TARBP1: variants seen among roughly 807,000 people sequenced by gnomAD.
The protein encoded by TARBP1 is tRNA guanosine 2 -O-methyltransferase TARBP1.
A neutral mutation model predicts 178.6 loss-of-function variants in TARBP1; 144 were observed. The observed-to-expected ratio is 0.81, with a 90% confidence interval of 0.70 to 0.93. TARBP1 has a LOEUF of 0.93. Among genes scored for constraint, TARBP1 ranks in the 40% least tolerant of loss-of-function variants. TARBP1 has a pLI of 0.00. For missense variants in TARBP1, 2,067 were observed against 2,011.7 expected (o/e 1.03, Z -0.53); for synonymous variants, 787 against 781.0 (o/e 1.01, Z -0.13).
At chr1:234,428,265 A>G (rs10797546) in intron 17 of TARBP1, among the ~76,000 whole-genome samples, 20,354 of 152,116 alleles carry the variant, frequency 0.13, 1,496 homozygotes, top group Middle Eastern at 0.26. Context: ...CTATCTCAGT[A>G]GCTGCAAATG....
intron 9 of TARBP1, among the ~76,000 whole-genome samples, chr1:234,454,883 T>C (rs148357331): frequency 3.5e-4 from 53 of 152,320 alleles, no homozygotes; most frequent in African/African-American, 1.2e-3. Flanking sequence ...GGGGACATTA[T>C]GCTGGATTAT....
intron 17 of TARBP1, among the ~76,000 whole-genome samples, chr1:234,428,846 A>G (rs1442242883): frequency 6.6e-6 from 1 of 152,178 alleles, no homozygotes; most frequent in Non-Finnish European, 1.5e-5. Flanking sequence ...CCGCCTGGCC[A>G]GATTTCCCAA....
chr1:234,419,007 C>T (rs1483207324), intron 21 of TARBP1, among the ~76,000 whole-genome samples: 2 of 151,918 alleles, frequency 1.3e-5, no homozygotes, highest in East Asian at 3.9e-4. Context: ...CCCGTCTCTA[C>T]TAAAAATACA....
In TARBP1 at chr1:234,446,821, C is replaced by T; in HGVS notation, c.2116G>A (p.Gly706Ser). Residue 706 changes from glycine to serine, a missense_variant, in exon 12 of 30, where the codon GGT becomes AGT. Gly to Ser is a moderately conservative substitution (Grantham distance 56). Transcript: ENST00000040877. ...TCCTCACCATCTTGGGCACTGGAAC[C>T]TTTCAACCTGCATGTGTTCAACAGC... Reference protein sequence around the residue: ...LKLLNTCRLKGSSAQDDEVST... With the variant: ...LKLLNTCRLKSSSAQDDEVST... 1.2e-6 allele frequency: 2 copies of T among 1,613,862 alleles called. No homozygotes were observed. The highest frequency in any genetic ancestry group is 1.7e-6 in the Non-Finnish European group (2 of 1,179,932).
intron 7 of TARBP1, 56 bp from the exon 8 acceptor site, chr1:234,459,382 T>C (rs1667613119): frequency 1.5e-6 from 2 of 1,337,790 alleles, no homozygotes; most frequent in Non-Finnish European, 2.1e-6. Flanking sequence ...ATTCTGATAA[T>C]TTGTGATTAT....
intron 20 of TARBP1, among the ~76,000 whole-genome samples, chr1:234,424,821 G>A (rs1663520207): frequency 6.6e-6 from 1 of 152,072 alleles, no homozygotes; most frequent in Non-Finnish European, 1.5e-5. Flanking sequence ...CAGCACTCTG[G>A]GAGGCCAAGG....
At chr1:234,400,053 C>CAAATAAAAACA (rs748345592) in intron 25 of TARBP1, among the ~76,000 whole-genome samples, 2,296 of 142,110 alleles carry the variant, frequency 0.016, 55 homozygotes, top group African/African-American at 0.055. Flanking sequence ...AAAATAAAAA[C>CAAATAAAAACA]AAAAAAAAAA....
intron 3 of TARBP1, among the ~76,000 whole-genome samples, chr1:234,470,258 G>A (rs1478938091): frequency 6.6e-6 from 1 of 151,942 alleles, no homozygotes; most frequent in Non-Finnish European, 1.5e-5. Context: ...CAGATTGCAA[G>A]ACTCCACATC....
intron 22 of TARBP1, among the ~76,000 whole-genome samples, chr1:234,416,544 G>A (rs371455949): frequency 8.5e-5 from 13 of 152,228 alleles, no homozygotes; most frequent in Admixed American, 2.0e-4. Context: ...TAATTCTCCC[G>A]CCTCAGCCTC....
At chr1:234,400,128 C>T (rs575103879) in intron 25 of TARBP1, 1 of 151,530 alleles carries the variant, frequency 6.6e-6, no homozygotes, top group Admixed American at 6.6e-5. Flanking sequence ...TACACATACA[C>T]CTTTAATTCA....
intron 22 of TARBP1, among the ~76,000 whole-genome samples, chr1:234,416,416 C>A (rs1458456241): frequency 6.6e-6 from 1 of 152,176 alleles, no homozygotes; most frequent in Non-Finnish European, 1.5e-5. Context: ...CCTGCCTCAG[C>A]CTCCCAAGTA....
At position 234,392,395 on chromosome 1, in the gene TARBP1, TG is replaced by T. The variant is rs1558132459; in HGVS notation, c.4697+20del. 3 of 1,611,642 alleles carry T rather than the reference TG, an allele frequency of 1.9e-6. No individual in the cohort carries two copies. The highest frequency in any genetic ancestry group is 2.5e-6 in the Non-Finnish European group (3 of 1,179,264). On this transcript the variant is annotated intron_variant, in intron 29 of 29. Coordinates refer to ENST00000040877, the MANE Select transcript of TARBP1 (RefSeq NM_005646.4). ...AGTCTGGGGCTCAGAGAATATACTA[TG>T]GACACAAGAAGCTTCTTACCCCAAC...
At position 234,478,332 on chromosome 1, in the gene TARBP1, C is replaced by G. The variant is rs1571904712; in HGVS notation, c.772G>C (p.Asp258His). ...CAGAAGCGCCAGCAGCGCCGGGCGT[C>G]CGGGCCCGCCTCGCGCGCGCCGCGG... ...RARGAREAGPDARRCWRFWRT... is the reference protein window; with the variant it reads ...RARGAREAGPHARRCWRFWRT... The change falls in exon 1 of 30, where the codon GAC (aspartate) becomes CAC (histidine). Residue 258 changes from aspartate (D) to histidine (H), a missense_variant. Physicochemically the swap from Asp to His is moderately conservative, Grantham distance 81. Coordinates refer to ENST00000040877, the MANE Select transcript of TARBP1 (RefSeq NM_005646.4). 1 of 1,321,464 alleles carries G rather than the reference C, an allele frequency of 7.6e-7. No homozygotes were observed. Among genetic ancestry groups the G allele is most frequent in the Non-Finnish European group, 9.6e-7 (1 of 1,039,484 alleles). The allele number at this position is 1,321,464 out of a possible 1,614,324, so 81.9% of individuals were successfully genotyped here. A position where few individuals can be genotyped will look rare whatever the true frequency, so the allele number is the denominator to read the frequency against.
intron 17 of TARBP1, 40 bp from the exon 18 acceptor site, chr1:234,427,806 T>A: frequency 7.3e-7 from 1 of 1,376,182 alleles, no homozygotes; most frequent in Non-Finnish European, 9.5e-7. Flanking sequence ...CTTGATTTAG[T>A]TTTTAAAAAA....
At position 234,411,044 on chromosome 1, in the gene TARBP1, T is replaced by C. The variant is rs554782204; in HGVS notation, c.3706-513A>G. On this transcript the variant is annotated intron_variant, in intron 22 of 29. Coordinates refer to ENST00000040877, the MANE Select transcript of TARBP1 (RefSeq NM_005646.4). ...GAGATCGTGCCACTGCACTCCAGCA[T>C]GGGCAACAGAGCAAGACCCTGTCTC... is the stretch of plus-strand genomic sequence containing the variant. Among the ~76,000 whole-genome samples the C allele has an allele frequency of 4.6e-5, 7 of 152,242 alleles. No individual in the cohort carries two copies. The South Asian group carries it at 1.0e-3, about 23-fold the overall frequency.
intron 1 of TARBP1, among the ~76,000 whole-genome samples, chr1:234,475,658 G>A (rs6701505): frequency 0.057 from 8,687 of 152,272 alleles, 463 homozygotes; most frequent in African/African-American, 0.13. Flanking sequence ...GAATGCTGAC[G>A]CTCAGACACA....
chr1:234,477,183 A>AAAACAAAC (rs144297836), intron 1 of TARBP1, among the ~76,000 whole-genome samples: 3 of 152,056 alleles, frequency 2.0e-5, no homozygotes, highest in Admixed American at 1.3e-4. Context: ...GAAACTCCAT[A>AAAACAAAC]AAACAAACAA....
At chr1:234,448,347 C>T (rs928985739) in intron 11 of TARBP1, 133 bp downstream of exon 11, 6 of 673,850 alleles carry the variant, frequency 8.9e-6, no homozygotes, top group Middle Eastern at 5.0e-4. Context: ...CTTCAGTATA[C>T]TGTTAATGTT....
chr1:234,478,611 C>T lies in TARBP1; in HGVS notation c.493G>A (p.Gly165Arg), dbSNP rs1267882685. 6.5e-5 allele frequency: 85 copies of T among 1,303,488 alleles called. No homozygotes were observed. Among genetic ancestry groups the T allele is most frequent in the Non-Finnish European group, 7.8e-5 (80 of 1,027,288 alleles). The allele number at this position is 1,303,488 out of a possible 1,614,324, so 80.7% of individuals were successfully genotyped here. Residue 165 changes from glycine to arginine, a missense_variant, in exon 1 of 30, where the codon GGG becomes AGG. Gly to Arg is a moderately radical substitution (Grantham distance 125). Transcript: ENST00000040877. Reference protein sequence around the residue: ...EDGPLLERVAGTAVALALGGG... With the variant: ...EDGPLLERVARTAVALALGGG... Reference sequence around the variant, plus strand: ...CCCAGCGCCAGGGCGACGGCGGTCCCCGCCACGCGCTCCAGTAGCGGCCCG... The same window carrying T: ...CCCAGCGCCAGGGCGACGGCGGTCCTCGCCACGCGCTCCAGTAGCGGCCCG...
Sources: gnomAD v4.1 joint callset for allele counts (sites outside exome capture counted in the v4.1 genomes callset) on GRCh38, gnomAD v4.1.1 for gene constraint, MANE v1.5 for transcripts, NCBI Gene and HGNC (gene_info 2026-07-23, HGNC 2026-07-21) for gene names.